Variants in TRIQK observed in about 807,000 individuals in gnomAD.
TRIQK encodes triple QxxK/R motif-containing protein.
A neutral mutation model predicts 10.8 loss-of-function variants in TRIQK; 10 were observed. The ratio of observed to expected loss-of-function variants is 0.92; its 90% CI spans 0.57 to 1.57. TRIQK has a LOEUF of 1.57. Among genes scored for constraint, TRIQK ranks in the 40% most tolerant of loss-of-function variants. TRIQK has a pLI of 0.00. For synonymous variants in TRIQK, 33 were observed against 33.7 expected (o/e 0.98, Z 0.07); for missense variants, 107 against 97.7 (o/e 1.09, Z -0.40).
In TRIQK at chr8:92,929,978, A is replaced by G. The variant is rs114240678; in HGVS notation, c.-21-12968T>C. On this transcript the variant is annotated intron_variant, in intron 2 of 4. Transcript: ENST00000521988. ...TTTAAATAAAGATTTTTTTATGAAA[A>G]CTGCTCTTTCTAAAAGTTTTAAAAA... Among the ~76,000 whole-genome samples the G allele has an allele frequency of 8.1e-3, 1,231 of 152,164 alleles. 14 individuals are homozygous for G. Among genetic ancestry groups the G allele is most frequent in the African/African-American group, 0.028 (1,167 of 41,528 alleles).
intron 1 of TRIQK, among the ~76,000 whole-genome samples, chr8:93,002,604 T>C (rs754614284): frequency 1.3e-5 from 2 of 151,964 alleles, no homozygotes; most frequent in Non-Finnish European, 2.9e-5. Flanking sequence ...AGAAATTAAA[T>C]TAGTAATAAA....
At chr8:92,938,271 G>GAT (rs375914637) in intron 2 of TRIQK, among the ~76,000 whole-genome samples, 18 of 150,560 alleles carry the variant, frequency 1.2e-4, no homozygotes, top group East Asian at 1.9e-4. Context: ...TTTTAATTGA[G>GAT]ATATATATAT....
intron 1 of TRIQK, among the ~76,000 whole-genome samples, chr8:93,012,867 A>T (rs1213739623): frequency 6.6e-6 from 1 of 152,212 alleles, no homozygotes; most frequent in Admixed American, 6.5e-5. Flanking sequence ...AGAAATGCAC[A>T]TTTTTAGACC....
rs1405870714 is a variant in TRIQK at position 92,885,758 on chromosome 8, TAAG to T, written c.*861_*863del. The T allele has an allele frequency of 3.3e-5, 5 of 151,738 alleles. No homozygotes were observed. The highest frequency in any genetic ancestry group is 1.2e-4 in the African/African-American group (5 of 41,390). The allele number at this position is 151,738 out of a possible 1,614,324, so 9.4% of individuals were successfully genotyped here. On this transcript the variant is annotated 3_prime_UTR_variant, in exon 5 of 5. Coordinates refer to ENST00000521988, the MANE Select transcript of TRIQK (RefSeq NM_001171797.2). ...TATTGTTCAGATTTAGGAGACAACC[TAAG>T]AAGATGATTCTGAGTAGGTAGGATT... is the stretch of plus-strand genomic sequence containing the variant.
upstream of TRIQK, among the ~76,000 whole-genome samples, chr8:92,968,391 T>C (rs1457393375): frequency 6.6e-6 from 1 of 152,200 alleles, no homozygotes; most frequent in Non-Finnish European, 1.5e-5. Flanking sequence ...TCTTCTACAA[T>C]GGTTGAACTA....
chr8:92,992,530 C>A (rs769461588), intron 1 of TRIQK, among the ~76,000 whole-genome samples: 2 of 152,142 alleles, frequency 1.3e-5, no homozygotes, highest in Non-Finnish European at 2.9e-5. Flanking sequence ...TGAGAGAAAG[C>A]CAGGATACTG....
At chr8:92,951,471 C>T (rs1304149417) in intron 2 of TRIQK, among the ~76,000 whole-genome samples, 1 of 152,000 alleles carries the variant, frequency 6.6e-6, no homozygotes, top group Non-Finnish European at 1.5e-5. Context: ...GAGAGGAAAT[C>T]GTCACAGGAA....
Position 92,885,597 on chromosome 8 carries a change from A to T in TRIQK, c.*1025T>A, listed in dbSNP as rs1214776499. On this transcript the variant is annotated 3_prime_UTR_variant, in exon 5 of 5. Transcript: ENST00000521988. ...CATTATGCTCCCACAAATACAAAATACATTGAAAAATTATATCAACAGATA... is the reference window on the plus strand; with the variant it reads ...CATTATGCTCCCACAAATACAAAATTCATTGAAAAATTATATCAACAGATA... 1 of 151,812 alleles carries T rather than the reference A, an allele frequency of 6.6e-6. No individual in the cohort carries two copies. Among genetic ancestry groups the T allele is most frequent in the Non-Finnish European group, 1.5e-5 (1 of 67,856 alleles). 9.4% of individuals were successfully genotyped at this position (151,812 alleles called of 1,614,324 possible).
intron 1 of TRIQK, among the ~76,000 whole-genome samples, chr8:92,964,565 T>C (rs1405951152): frequency 6.7e-6 from 1 of 148,276 alleles, no homozygotes; most frequent in African/African-American, 2.5e-5. Context: ...CAATAATGAA[T>C]AGATGAGTTA....
At chr8:92,949,823 AAAGAAAGAAAGAAAGAAAGG>A (rs1379648250) in intron 2 of TRIQK, among the ~76,000 whole-genome samples, 4 of 135,164 alleles carry the variant, frequency 3.0e-5, no homozygotes, top group African/African-American at 1.1e-4. Flanking sequence ...AGAAAGAAAG[AAAGAAAGAAAGAAAGAAAGG>A]GAGAGAAAAG....
At chr8:92,915,780 T>A (rs200338793) in intron 3 of TRIQK, among the ~76,000 whole-genome samples, 2 of 17,268 alleles carry the variant, frequency 1.2e-4, no homozygotes, top group Admixed American at 1.2e-3. Context: ...ATTACTGGCG[T>A]TAAGTCACCG....
chr8:92,912,635 C>T (rs891291760), intron 3 of TRIQK, among the ~76,000 whole-genome samples: 3 of 151,694 alleles, frequency 2.0e-5, no homozygotes, highest in African/African-American at 4.8e-5. Flanking sequence ...TCATCACACA[C>T]GAAATAGCAG....
At chr8:93,004,692 C>A (rs1246050488) in intron 1 of TRIQK, among the ~76,000 whole-genome samples, 1 of 152,168 alleles carries the variant, frequency 6.6e-6, no homozygotes, top group African/African-American at 2.4e-5. Flanking sequence ...AGTAGCCAGG[C>A]CACAATTTGA....
intron 3 of TRIQK, among the ~76,000 whole-genome samples, chr8:92,901,250 G>C (rs1465216793): frequency 6.6e-6 from 1 of 152,026 alleles, no homozygotes; most frequent in African/African-American, 2.4e-5. Flanking sequence ...TCTTTTGTCT[G>C]ATTGCTCTAG....
chr8:92,924,540 G>T (rs1463699478), intron 2 of TRIQK, among the ~76,000 whole-genome samples: 2 of 151,706 alleles, frequency 1.3e-5, no homozygotes, highest in East Asian at 3.9e-4. Flanking sequence ...TTGTAATATT[G>T]CACACAAGAG....
chr8:92,890,894 A>G (rs1451210248), intron 4 of TRIQK, among the ~76,000 whole-genome samples: 1 of 151,940 alleles, frequency 6.6e-6, no homozygotes, highest in African/African-American at 2.4e-5. Flanking sequence ...TTAAAAAGTC[A>G]CGTCATAAAG....
At chr8:92,931,592 T>C (rs1810727392) in intron 2 of TRIQK, among the ~76,000 whole-genome samples, 1 of 152,132 alleles carries the variant, frequency 6.6e-6, no homozygotes, top group East Asian at 1.9e-4. Flanking sequence ...AGCATTTTGG[T>C]TAACGAATAA....
At chr8:92,914,737 T>C (rs1307332737) in intron 3 of TRIQK, among the ~76,000 whole-genome samples, 3 of 152,212 alleles carry the variant, frequency 2.0e-5, no homozygotes, top group African/African-American at 7.2e-5. Context: ...AAAAACGTAA[T>C]AAATGTTAGT....
chr8:93,000,825 G>T (rs372681960), intron 1 of TRIQK, among the ~76,000 whole-genome samples: 38 of 147,442 alleles, frequency 2.6e-4, no homozygotes, highest in African/African-American at 9.0e-4. Context: ...TACACAAATG[G>T]TAAAGAGAAT....
Sources: allele counts gnomAD v4.1 joint callset (sites outside exome capture counted in the v4.1 genomes callset), GRCh38; gene constraint gnomAD v4.1.1; transcripts MANE v1.5; gene names NCBI Gene and HGNC (gene_info 2026-07-23, HGNC 2026-07-21).